PSMC2: variants seen among roughly 807,000 people sequenced by gnomAD.
PSMC2 encodes proteasome 26S subunit, ATPase 2.
Under a neutral mutation model 53.3 loss-of-function variants are expected in PSMC2, and 7 were observed. The observed-to-expected ratio is 0.13, with a 90% CI of 0.07 to 0.25. The LOEUF (loss-of-function observed/expected upper bound fraction) is 0.25. PSMC2 is among the 10% of genes least tolerant of loss of function. PSMC2 has a pLI of 1.00. For synonymous variants in PSMC2, 169 were observed against 183.9 expected (o/e 0.92, Z 0.66); for missense variants, 241 against 544.0 (o/e 0.44, Z 5.54).
Position 103,369,065 on chromosome 7 carries a change from A to C in PSMC2, c.*1011A>C, listed in dbSNP as rs1820877129. The C allele has an allele frequency of 1.3e-5, 2 of 152,214 alleles. No homozygotes were observed. The highest frequency in any genetic ancestry group is 3.8e-4 in the East Asian group (2 of 5,204). The allele number at this position is 152,214 out of a possible 1,614,324, so 9.4% of individuals were successfully genotyped here. ...GTTCGATATTCATAAATAAGTTGCA[A>C]AATAAGAGTTGGATATATTTTTAAT... is the stretch of plus-strand genomic sequence containing the variant. On this transcript the variant is annotated 3_prime_UTR_variant, in exon 12 of 12. Transcript: ENST00000292644.
chr7:103,348,586 C>T, intron 1 of PSMC2: 1 of 934,246 alleles, frequency 1.1e-6, no homozygotes, highest in Non-Finnish European at 1.8e-6. Context: ...TACCTCGTTG[C>T]ACTCTGAGAC....
chr7:103,357,981 C>T (rs1472748974), intron 4 of PSMC2, among the ~76,000 whole-genome samples: 11 of 152,142 alleles, frequency 7.2e-5, no homozygotes, highest in Admixed American at 7.2e-4. Context: ...GTCCTTTATG[C>T]CTGTTTAATG....
At chr7:103,366,914 C>T (rs1195538056) in intron 9 of PSMC2, among the ~76,000 whole-genome samples, 2 of 152,146 alleles carry the variant, frequency 1.3e-5, no homozygotes, top group Non-Finnish European at 2.9e-5. Context: ...AAGCAATTCT[C>T]ATGTCTCAGC....
At position 103,365,927 on chromosome 7, in the gene PSMC2, C is replaced by CA. The variant is rs1158503720; in HGVS notation, c.757-142dup. 170 of 647,432 alleles carry CA rather than the reference C, an allele frequency of 2.6e-4. 1 individual carries two copies. Among genetic ancestry groups the CA allele is most frequent in the South Asian group, 1.0e-3 (46 of 46,162 alleles). The allele number at this position is 647,432 out of a possible 1,614,324, so 40.1% of individuals were successfully genotyped here. ...TGGGCGACAGAGGAAGACTCCATCT[C>CA]AAAAAAATAAAAAAATAAAAAACGT... On this transcript the variant is annotated intron_variant, in intron 8 of 11. Transcript: ENST00000292644.
Position 103,358,165 on chromosome 7 carries a change from A to C in PSMC2, c.290+2372A>C, listed in dbSNP as rs1173152039. ...GAGTATACAGTTCTTTTCCCTTCAA[A>C]ATTTTGAAGGCGTCGTTCTGTTGTC... On this transcript the variant is annotated intron_variant, in intron 4 of 11. Transcript: ENST00000292644. Among the ~76,000 whole-genome samples, 7 of 152,012 alleles carry C rather than the reference A, an allele frequency of 4.6e-5. No homozygotes were observed. In the East Asian group the frequency reaches 1.4e-3, roughly 29 times the overall value.
intron 7 of PSMC2, 65 bp from the exon 8 acceptor site, chr7:103,364,078 T>C: frequency 4.0e-6 from 6 of 1,485,350 alleles, no homozygotes; most frequent in Non-Finnish European, 5.5e-6. Flanking sequence ...ACTTTGTTGA[T>C]TTAGAAGTAG....
At position 103,367,293 on chromosome 7, in the gene PSMC2, G is replaced by A; in HGVS notation, c.845-120G>A. ...CTGTTCTTACAGGATTTGCTTCAAA[G>A]TGGGATGTCACTTGTGCCTGAGGAC... On this transcript the variant is annotated intron_variant, in intron 9 of 11. Transcript: ENST00000292644. The surrounding 1 kb of genome is among the most constrained non-coding windows in gnomAD (Gnocchi z 6.1). 2.5e-6 allele frequency: 2 copies of A among 805,102 alleles called. No homozygotes were observed. The highest frequency in any genetic ancestry group is 4.1e-6 in the Non-Finnish European group (2 of 492,802). 49.9% of individuals were successfully genotyped at this position (805,102 alleles called of 1,614,324 possible).
chr7:103,362,795 T>C, intron 6 of PSMC2, 37 bp downstream of exon 6: 1 of 209,200 alleles, frequency 4.8e-6, no homozygotes, highest in Non-Finnish European at 8.3e-6. Context: ...AGGCTATGTC[T>C]TTTTTTTTTT....
rs1057360971 is a variant in PSMC2 at position 103,364,130 on chromosome 7, GTC to G, written c.592-9_592-8del. On this transcript the variant is annotated splice_polypyrimidine_tract_variant and intron_variant, in intron 7 of 11. Transcript: ENST00000292644. ...CAGAAGTGGTAAGTGTGAAAATTGT[GTC>G]TCTATCACAGCCAGAGAGGTTTGTG... is the stretch of plus-strand genomic sequence containing the variant. 1.2e-6 allele frequency: 2 copies of G among 1,610,002 alleles called. No individual in the cohort carries two copies. Among genetic ancestry groups the G allele is most frequent in the African/African-American group, 1.3e-5 (1 of 74,792 alleles).
At chr7:103,361,281 C>T (rs927703762) in intron 4 of PSMC2, among the ~76,000 whole-genome samples, 26 of 150,414 alleles carry the variant, frequency 1.7e-4, no homozygotes, top group Non-Finnish European at 3.4e-4. Flanking sequence ...GTTGGGATTT[C>T]GAGACCAGCC....
chr7:103,354,310 CTGAAA>C (rs1429349628), intron 2 of PSMC2, among the ~76,000 whole-genome samples: 1 of 150,692 alleles, frequency 6.6e-6, no homozygotes, highest in Non-Finnish European at 1.5e-5. Context: ...TGAATTAGTT[CTGAAA>C]TGAAGTTTTA....
intron 7 of PSMC2, among the ~76,000 whole-genome samples, 175 bp from the exon 8 acceptor site, chr7:103,363,968 A>G (rs1820555665): frequency 1.3e-5 from 2 of 152,358 alleles, no homozygotes; most frequent in South Asian, 4.1e-4. Flanking sequence ...TAGAATAAGT[A>G]AAATTTCTTA....
At chr7:103,356,436 G>T (rs549114815) in intron 4 of PSMC2, among the ~76,000 whole-genome samples, 62 of 152,206 alleles carry the variant, frequency 4.1e-4, no homozygotes, top group African/African-American at 1.5e-3. Flanking sequence ...AATTACTTTG[G>T]CCAGTTTATA....
chr7:103,359,361 C>T (rs1820243156), intron 4 of PSMC2, among the ~76,000 whole-genome samples: 1 of 151,844 alleles, frequency 6.6e-6, no homozygotes, highest in South Asian at 2.1e-4. Flanking sequence ...GAGGTTCACT[C>T]TTTTAAAGTA....
At position 103,367,615 on chromosome 7, in the gene PSMC2, G is replaced by C; in HGVS notation, c.1047G>C (p.Glu349Asp). ...RKIEFSLPDL[E>D]GRTHIFKIHA... ...TTGAATTTAGCTTGCCCGATCTAGAGGTAAGAAAACCATTTCATTTTAGGA... is the reference window on the plus strand; with the variant it reads ...TTGAATTTAGCTTGCCCGATCTAGACGTAAGAAAACCATTTCATTTTAGGA... The change falls in exon 10 of 12, where the codon GAG becomes GAC. Residue 349 changes from glutamate (E) to aspartate (D), a missense_variant and splice_region_variant. By Grantham distance (45) the Glu-to-Asp change is conservative (BLOSUM62 2). Transcript: ENST00000292644. This position sits in a 1 kb window ranked among gnomAD's most constrained non-coding sequence, Gnocchi z 6.1. 6.2e-7 allele frequency: 1 copy of C among 1,613,654 alleles called. No individual in the cohort carries two copies. Among genetic ancestry groups the C allele is most frequent in the Non-Finnish European group, 8.5e-7 (1 of 1,179,856 alleles).
At chr7:103,353,899 C>T (rs370547740) in intron 1 of PSMC2, 22 bp from the exon 2 acceptor site, 190 of 1,593,762 alleles carry the variant, frequency 1.2e-4, no homozygotes, top group South Asian at 2.7e-4. Context: ...TTGAATCTCA[C>T]GTATTGTCTC....
chr7:103,357,750 G>T (rs1820119543), intron 4 of PSMC2, among the ~76,000 whole-genome samples: 1 of 152,144 alleles, frequency 6.6e-6, no homozygotes, highest in Admixed American at 6.5e-5. Flanking sequence ...TCTTTTAGTG[G>T]TGGTTGTTAT....
intron 8 of PSMC2, among the ~76,000 whole-genome samples, chr7:103,364,958 C>CAT (rs59914167): frequency 0.017 from 2,122 of 125,314 alleles, 67 homozygotes; most frequent in African/African-American, 0.056. Flanking sequence ...TGTAGACATA[C>CAT]ATATATATAT....
intron 8 of PSMC2, 26 bp downstream of exon 8, chr7:103,364,333 A>G (rs201639323): frequency 6.2e-7 from 1 of 1,611,142 alleles, no homozygotes; most frequent in East Asian, 2.2e-5. Flanking sequence ...CAAAGAATAT[A>G]TAGCCTTGTG....
Sources: allele counts gnomAD v4.1 joint callset (sites outside exome capture counted in the v4.1 genomes callset), GRCh38; gene constraint gnomAD v4.1.1; non-coding constraint Gnocchi (gnomAD v3.1); transcripts MANE v1.5; gene names NCBI Gene and HGNC (gene_info 2026-07-23, HGNC 2026-07-21).